SKOR2: variants seen among roughly 807,000 people sequenced by gnomAD.
SKOR2 encodes LBX1 corepressor 1-like protein.
SKOR2 carries 47 observed loss-of-function variants against 69.1 expected under a neutral mutation model. The ratio of observed to expected loss-of-function variants is 0.68; its 90% CI spans 0.54 to 0.87. The LOEUF is 0.87. Ranked by LOEUF, SKOR2 falls within the 40% of genes least tolerant of loss-of-function variation. SKOR2 has a pLI of 0.00. For synonymous variants in SKOR2, 717 were observed against 672.6 expected (o/e 1.07, Z -1.02); for missense variants, 1,404 against 1,472.2 (o/e 0.95, Z 0.76).
At chr18:47,233,033 G>A (rs2064206065) in intron 4 of SKOR2, among the ~76,000 whole-genome samples, 1 of 152,152 alleles carries the variant, frequency 6.6e-6, no homozygotes, top group South Asian at 2.1e-4. Context: ...ACTGTGAGGA[G>A]TATGTTTGTG....
intron 8 of SKOR2, among the ~76,000 whole-genome samples, chr18:47,210,266 C>T (rs1355976678): frequency 6.6e-6 from 1 of 152,116 alleles, no homozygotes; most frequent in African/African-American, 2.4e-5. Flanking sequence ...TTATCAGGGG[C>T]TGGAAAGCTA....
At chr18:47,237,532 A>T (rs2144503830) in intron 4 of SKOR2, among the ~76,000 whole-genome samples, 1 of 152,204 alleles carries the variant, frequency 6.6e-6, no homozygotes, top group East Asian at 1.9e-4. Flanking sequence ...AATTCAATAA[A>T]TAAGAGCATT....
In SKOR2 at chr18:47,245,495, T is replaced by TTTTTTTTTC. The variant is rs2064268491; in HGVS notation, c.2677+2_2677+3insGAAAAAAAA. On this transcript the variant is annotated splice_region_variant and intron_variant, in intron 3 of 8. Coordinates refer to ENST00000425639, the MANE Select transcript of SKOR2 (RefSeq NM_001278063.4). Reference sequence around the variant, plus strand: ...GGCAGCTGATTTTTTTTTTTTTTTTTACCTGAAAAGCTGTTGTCATCCTTT... The same window carrying TTTTTTTTTC: ...GGCAGCTGATTTTTTTTTTTTTTTTTTTTTTTTTCACCTGAAAAGCTGTTGTCATCCTTT... 3 of 1,470,366 alleles carry TTTTTTTTTC rather than the reference T, an allele frequency of 2.0e-6. No individual in the cohort carries two copies. The South Asian group carries it at 4.0e-5, about 20-fold the overall frequency. 91.1% of individuals were successfully genotyped at this position (1,470,366 alleles called of 1,614,324 possible). A position where few individuals can be genotyped will look rare whatever the true frequency, so the allele number is the denominator to read the frequency against.
chr18:47,246,129 T>G (rs1156336898), intron 2 of SKOR2, among the ~76,000 whole-genome samples: 3 of 152,192 alleles, frequency 2.0e-5, no homozygotes, highest in Non-Finnish European at 2.9e-5. Context: ...CAATGCATTT[T>G]TTACTTTTGG....
intron 8 of SKOR2, among the ~76,000 whole-genome samples, chr18:47,209,540 A>G (rs957614982): frequency 6.6e-6 from 1 of 152,234 alleles, no homozygotes; most frequent in South Asian, 2.1e-4. Flanking sequence ...TGAAAGCACC[A>G]GGGTCTACTT....
At chr18:47,209,930 A>G (rs1367183747) in intron 8 of SKOR2, among the ~76,000 whole-genome samples, 3 of 152,296 alleles carry the variant, frequency 2.0e-5, no homozygotes, top group South Asian at 2.1e-4. Context: ...TGTCTTTACA[A>G]AATAAAAAAA....
In SKOR2 at chr18:47,247,096, C is replaced by T; in HGVS notation, c.2088G>A (p.Pro696=). 1.0e-6 allele frequency: 1 copy of T among 987,974 alleles called. No individual in the cohort carries two copies. Among genetic ancestry groups the T allele is most frequent in the South Asian group, 2.5e-5 (1 of 39,402 alleles). 61.2% of individuals were successfully genotyped at this position (987,974 alleles called of 1,614,324 possible). A position where few individuals can be genotyped will look rare whatever the true frequency, so the allele number is the denominator to read the frequency against. Residue 696 remains proline, a synonymous_variant, in exon 2 of 9, where the codon CCG becomes CCA. Transcript: ENST00000425639. This position sits in a 1 kb window ranked among gnomAD's most constrained non-coding sequence, Gnocchi z 6.6. Reference sequence around the variant, plus strand: ...GCGGCGGGGGCGGCGGCGGCGGCGGCGGCGGGGCCGGGTGGTGGCGCTCGG... The same window carrying T: ...GCGGCGGGGGCGGCGGCGGCGGCGGTGGCGGGGCCGGGTGGTGGCGCTCGG... ...PGSERHHPAP[P]PPPPPPPPPP... is the part of the protein sequence containing the mutation.
In SKOR2 at chr18:47,247,283, T is replaced by C; in HGVS notation, c.1901A>G (p.Glu634Gly). Residue 634 changes from glutamate to glycine, a missense_variant, in exon 2 of 9, where the codon GAG (glutamate) becomes GGG (glycine). Physicochemically the swap from Glu to Gly is moderately conservative, Grantham distance 98 (BLOSUM62 -2). This residue lies in a region of SKOR2 where 1,266 missense variants were observed against 1,309.9 expected (regional missense o/e 0.97). Transcript: ENST00000425639. The surrounding 1 kb of genome is among the most constrained non-coding windows in gnomAD (Gnocchi z 6.6). ...CGCCCCGTGCAGCTTGGCCAGGCTC[T>C]CCGCGTCGTCCTTGCCGCCCACTGG... ...FRPVGGKDDA[E>G]SLAKLHGASA... 2 of 1,482,096 alleles carry C rather than the reference T, an allele frequency of 1.3e-6. No homozygotes were observed. The highest frequency in any genetic ancestry group is 1.5e-5 in the African/African-American group (1 of 68,686). 91.8% of individuals were successfully genotyped at this position (1,482,096 alleles called of 1,614,324 possible).
intron 4 of SKOR2, among the ~76,000 whole-genome samples, chr18:47,237,002 C>T (rs996408161): frequency 1.3e-5 from 2 of 152,186 alleles, no homozygotes; most frequent in African/African-American, 4.8e-5. Flanking sequence ...TCCTACCCTA[C>T]AGGTAATCCC....
chr18:47,230,964 A>T lies in SKOR2; in HGVS notation c.2789T>A (p.Leu930Gln). ...HTQETNSPHSLKKDVENMGKE... is the reference protein window; with the variant it reads ...HTQETNSPHSQKKDVENMGKE... ...CCCCATATTTTCTACATCCTTTTTC[A>T]GTGAATGAGGTGAGTTGGTTTCTTG... The change falls in exon 5 of 9, where the codon CTG (leucine) becomes CAG (glutamine). Residue 930 changes from leucine to glutamine, a missense_variant. Transcript: ENST00000425639. 2.0e-6 allele frequency: 3 copies of T among 1,535,926 alleles called. No individual in the cohort carries two copies. Among genetic ancestry groups the T allele is most frequent in the Non-Finnish European group, 2.6e-6 (3 of 1,146,814 alleles).
rs925754802 is a variant in SKOR2 at position 47,246,786 on chromosome 18, G to A, written c.2398C>T (p.Arg800Trp). The change falls in exon 2 of 9, where the codon CGG becomes TGG. Residue 800 changes from arginine to tryptophan, a missense_variant. Physicochemically the swap from Arg to Trp is moderately radical, Grantham distance 101. Transcript: ENST00000425639. ...GRGPSEKGSSRDRAPAVAGAF... is the reference protein window; with the variant it reads ...GRGPSEKGSSWDRAPAVAGAF... ...CCCGCGACGGCCGGCGCGCGGTCCCGGCTGCTCCCCTTCTCCGACGGCCCT... is the reference window on the plus strand; with the variant it reads ...CCCGCGACGGCCGGCGCGCGGTCCCAGCTGCTCCCCTTCTCCGACGGCCCT... 3.5e-6 allele frequency: 5 copies of A among 1,411,002 alleles called. No homozygotes were observed. The highest frequency in any genetic ancestry group is 4.6e-6 in the Non-Finnish European group (5 of 1,092,262). 87.4% of individuals were successfully genotyped at this position (1,411,002 alleles called of 1,614,324 possible).
intron 6 of SKOR2, among the ~76,000 whole-genome samples, chr18:47,224,031 G>A (rs1047339867): frequency 2.6e-5 from 4 of 151,578 alleles, no homozygotes; most frequent in South Asian, 2.1e-4. Flanking sequence ...TCAGCCTCCC[G>A]AGTAGCTGGG....
At chr18:47,245,399 T>C (rs1317513919) in intron 3 of SKOR2, 99 bp downstream of exon 3, 6 of 1,055,310 alleles carry the variant, frequency 5.7e-6, no homozygotes, top group Non-Finnish European at 7.7e-6. Context: ...AAAAACAGAA[T>C]GGTGGTAGTG....
At chr18:47,241,638 C>A (rs1045806776) in intron 4 of SKOR2, among the ~76,000 whole-genome samples, 8 of 149,854 alleles carry the variant, frequency 5.3e-5, no homozygotes, top group South Asian at 4.2e-4. Flanking sequence ...AACAAACAAA[C>A]AAAAAAAAAA....
chr18:47,249,308 G>T (rs1568092521), intron 1 of SKOR2, 78 bp from the exon 2 acceptor site: 11 of 1,255,836 alleles, frequency 8.8e-6, no homozygotes, highest in East Asian at 2.6e-5. Flanking sequence ...GCTAACCAAA[G>T]AATTAGAATA....
chr18:47,249,171 G>C lies in SKOR2; in HGVS notation c.13C>G (p.Pro5Ala). The C allele has an allele frequency of 6.5e-7, 1 of 1,534,878 alleles. No homozygotes were observed. The highest frequency in any genetic ancestry group is 8.7e-7 in the Non-Finnish European group (1 of 1,146,188). The change falls in exon 2 of 9, where the codon CCG becomes GCG. Residue 5 changes from proline (P) to alanine (A), a missense_variant. Pro to Ala is a conservative substitution (Grantham distance 27). Transcript: ENST00000425639. ...AGGATGTCGTTGGGCCCTGGCAGCG[G>C]ACTGGAAGCCATCTCCGCCGCAGAA... MASS[P>A]LPGPNDILLA...
intron 8 of SKOR2, among the ~76,000 whole-genome samples, chr18:47,211,260 C>A (rs575284585): frequency 6.6e-6 from 1 of 152,142 alleles, no homozygotes; most frequent in Non-Finnish European, 1.5e-5. Context: ...TAAATGGCTG[C>A]GGTCCTAGCT....
In SKOR2 at chr18:47,248,741, G is replaced by A. The variant is rs573556023; in HGVS notation, c.443C>T (p.Ser148Leu). The change falls in exon 2 of 9, where the codon TCA becomes TTA. Residue 148 changes from serine (S) to leucine (L), a missense_variant. Around this residue, in one of 3 missense-constraint regions of SKOR2, gnomAD observed 1,266 missense variants for 1,309.9 expected, o/e 0.97. Coordinates refer to ENST00000425639, the MANE Select transcript of SKOR2 (RefSeq NM_001278063.4). The surrounding 1 kb of genome is among the most constrained non-coding windows in gnomAD (Gnocchi z 6.4). Reference sequence around the variant, plus strand: ...GCGGCAGCCCCAGGCGCACTCGTGTGACACGTCGAAGGCGAAATTGTCTGG... The same window carrying A: ...GCGGCAGCCCCAGGCGCACTCGTGTAACACGTCGAAGGCGAAATTGTCTGG... ...KLPDNFAFDVSHECAWGCRGS... is the reference protein window; with the variant it reads ...KLPDNFAFDVLHECAWGCRGS... 39 of 1,552,750 alleles carry A rather than the reference G, an allele frequency of 2.5e-5. No individual in the cohort carries two copies. In the East Asian group the frequency reaches 9.1e-4, roughly 36 times the overall value.
intron 7 of SKOR2, among the ~76,000 whole-genome samples, chr18:47,216,387 G>T (rs1379973180): frequency 6.6e-6 from 1 of 152,050 alleles, no homozygotes; most frequent in African/African-American, 2.4e-5. Context: ...CCCAAATTTT[G>T]AGCTATTTTT....
Sources: gnomAD v4.1 joint callset for allele counts (sites outside exome capture counted in the v4.1 genomes callset) on GRCh38, gnomAD v4.1.1 for gene constraint, gnomAD v4.1.1 regional missense constraint, Gnocchi (gnomAD v3.1) non-coding constraint, MANE v1.5 for transcripts, NCBI Gene and HGNC (gene_info 2026-07-23, HGNC 2026-07-21) for gene names.